JMJD7: variants seen among roughly 807,000 people sequenced by gnomAD.
JMJD7 encodes jumonji domain containing 7, also known as bifunctional peptidase and (3S)-lysyl hydroxylase JMJD7.
In JMJD7, 41 loss-of-function variants were observed where a neutral mutation model predicts 41.1. The ratio of observed to expected loss-of-function variants is 1.00; its 90% confidence interval spans 0.78 to 1.30. The LOEUF (loss-of-function observed/expected upper bound fraction) is 1.30, where lower values mean the gene tolerates loss of function less well. JMJD7 is among the 50% of genes most tolerant of loss of function. JMJD7 has a pLI of 0.00. For synonymous variants in JMJD7, 202 were observed against 177.2 expected (o/e 1.14, Z -1.11); for missense variants, 480 against 420.7 (o/e 1.14, Z -1.23).
chr15:41,834,933 T>C (rs758469784), intron 2 of JMJD7, 37 bp from the exon 3 acceptor site: 25 of 1,613,390 alleles, frequency 1.5e-5, no homozygotes, highest in Admixed American at 8.3e-5. Flanking sequence ...CAGTGATTAC[T>C]GGCATCTGGG....
chr15:41,834,023 G>A (rs1487213642), intron 1 of JMJD7, among the ~76,000 whole-genome samples: 1 of 152,130 alleles, frequency 6.6e-6, no homozygotes, highest in Non-Finnish European at 1.5e-5. Context: ...GATTAGAGGT[G>A]ACACAGGGCC....
rs752607084 is a variant in JMJD7 at position 41,835,604 on chromosome 15, T to C, written c.489T>C (p.Ala163=). ...GCCCTGCAGGAAAGATGCCCGATGC[T>C]GTGAACTTCTGGCTGGGGGAGGCGG... is the stretch of plus-strand genomic sequence containing the variant. The part of the protein sequence containing the change: ...ASEALGKMPD[A]VNFWLGEAAA... The change falls in exon 4 of 8, where the codon GCT becomes GCC. Residue 163 remains alanine, a synonymous_variant. Transcript: ENST00000397299. The C allele has an allele frequency of 6.2e-6, 10 of 1,613,814 alleles. No homozygotes were observed. In the Admixed American group the frequency reaches 1.5e-4, roughly 24 times the overall value.
At chr15:41,834,926 T>C (rs1409487703) in intron 2 of JMJD7, 33 bp downstream of exon 2, 3 of 1,613,404 alleles carry the variant, frequency 1.9e-6, no homozygotes, top group Non-Finnish European at 2.5e-6. Flanking sequence ...GTGTGAGCAG[T>C]GATTACTGGC....
In JMJD7 at chr15:41,835,560, A is replaced by G. The variant is rs376580880; in HGVS notation, c.473-28A>G. ...CAGCTTTCCCCAGCCTGGCCTTCCTAACTTGCTCTCTGCCTTCTGCCCTGC... is the reference window on the plus strand; with the variant it reads ...CAGCTTTCCCCAGCCTGGCCTTCCTGACTTGCTCTCTGCCTTCTGCCCTGC... On this transcript the variant is annotated intron_variant, in intron 3 of 7. Coordinates refer to ENST00000397299, the MANE Select transcript of JMJD7 (RefSeq NM_001114632.2). 15 of 1,609,268 alleles carry G rather than the reference A, an allele frequency of 9.3e-6. No homozygotes were observed. The African/African-American group carries it at 1.2e-4, about 13-fold the overall frequency.
At chr15:41,836,335 T>C in intron 5 of JMJD7, 92 bp downstream of exon 5, 6 of 1,572,096 alleles carry the variant, frequency 3.8e-6, no homozygotes, top group Non-Finnish European at 5.2e-6. Flanking sequence ...TTCCCAGGCC[T>C]GAGGTGTGGC....
At chr15:41,832,520 C>T (rs1017619368) in intron 1 of JMJD7, 1 of 152,516 alleles carries the variant, frequency 6.6e-6, no homozygotes, top group African/African-American at 2.4e-5. Flanking sequence ...AAGGTGACTG[C>T]TTGGATGGGC....
chr15:41,837,517 A>T lies in JMJD7; in HGVS notation c.*361A>T. The T allele has an allele frequency of 3.7e-6, 1 of 271,188 alleles. No homozygotes were observed. Among genetic ancestry groups the T allele is most frequent in the South Asian group, 7.2e-5 (1 of 13,934 alleles). The allele number at this position is 271,188 out of a possible 1,614,324, so 16.8% of individuals were successfully genotyped here. A position where few individuals can be genotyped will look rare whatever the true frequency, so the allele number is the denominator to read the frequency against. On this transcript the variant is annotated 3_prime_UTR_variant, in exon 8 of 8. Coordinates refer to ENST00000397299, the MANE Select transcript of JMJD7 (RefSeq NM_001114632.2). The stretch of plus-strand genomic sequence containing the variant: ...TCGCGGGGCTGTTGTGGGCTTGGAG[A>T]TGATGTCTATGAGGACCAGCATGGA...
At chr15:41,833,083 A>G (rs2065252553) in intron 1 of JMJD7, among the ~76,000 whole-genome samples, 1 of 152,160 alleles carries the variant, frequency 6.6e-6, no homozygotes, top group African/African-American at 2.4e-5. Context: ...CCATCAAGGC[A>G]TTTGTTACTA....
chr15:41,828,436 T>TTA (rs2065173887), intron 1 of JMJD7: 1 of 424,106 alleles, frequency 2.4e-6, no homozygotes, highest in East Asian at 3.8e-5. Flanking sequence ...AGCCCTGTGT[T>TTA]TCCTACAGTC....
chr15:41,830,699 G>A lies in JMJD7; in HGVS notation c.64+2511G>A, dbSNP rs1179456762. Among the ~76,000 whole-genome samples the A allele has an allele frequency of 2.0e-5, 3 of 152,216 alleles. No individual in the cohort carries two copies. The East Asian group carries it at 5.8e-4, about 29-fold the overall frequency. ...CCCAGGAAGGCCCCTTCCTGCTGCC[G>A]CAGGCTTGGAAGTGCCTGATCCTGC... On this transcript the variant is annotated intron_variant, in intron 1 of 7. Coordinates refer to ENST00000397299, the MANE Select transcript of JMJD7 (RefSeq NM_001114632.2).
intron 1 of JMJD7, 123 bp downstream of exon 1, chr15:41,828,311 C>G: frequency 1.7e-6 from 2 of 1,196,276 alleles, no homozygotes; most frequent in Non-Finnish European, 2.2e-6. Context: ...TCGGGTTGCT[C>G]TTCTGTGGCA....
chr15:41,831,775 T>C (rs1285092369), intron 1 of JMJD7, among the ~76,000 whole-genome samples: 2 of 152,188 alleles, frequency 1.3e-5, no homozygotes, highest in African/African-American at 4.8e-5. Context: ...AGCTCCTCTT[T>C]GTCTTGTTTA....
intron 1 of JMJD7, among the ~76,000 whole-genome samples, chr15:41,833,875 G>A (rs757346301): frequency 1.3e-5 from 2 of 152,344 alleles, no homozygotes; most frequent in Non-Finnish European, 1.5e-5. Flanking sequence ...AGGACCCAAA[G>A]GAGGTAGCTG....
At chr15:41,831,032 C>T (rs919580650) in intron 1 of JMJD7, among the ~76,000 whole-genome samples, 3 of 152,208 alleles carry the variant, frequency 2.0e-5, no homozygotes, top group African/African-American at 7.2e-5. Context: ...GGCCTGAAGC[C>T]TGGGGGCTGG....
Position 41,837,393 on chromosome 15 carries a change from A to G in JMJD7, c.*237A>G, listed in dbSNP as rs1202387031. 2 of 558,634 alleles carry G rather than the reference A, an allele frequency of 3.6e-6. No homozygotes were observed. Among genetic ancestry groups the G allele is most frequent in the Non-Finnish European group, 3.2e-6 (1 of 314,182 alleles). 34.6% of individuals were successfully genotyped at this position (558,634 alleles called of 1,614,324 possible). On this transcript the variant is annotated 3_prime_UTR_variant, in exon 8 of 8. Coordinates refer to ENST00000397299, the MANE Select transcript of JMJD7 (RefSeq NM_001114632.2). ...CACACAGGTGAGCAGAGTGGGGATC[A>G]GGTGCAGCGGCACCTCTCCCCAGCG...
chr15:41,834,572 C>G (rs1051705117), intron 1 of JMJD7, among the ~76,000 whole-genome samples, 168 bp from the exon 2 acceptor site: 1 of 152,256 alleles, frequency 6.6e-6, no homozygotes, highest in Non-Finnish European at 1.5e-5. Flanking sequence ...TTTCTGCTTT[C>G]ATTTTTCCGT....
chr15:41,835,122 G>A lies in JMJD7; in HGVS notation c.371G>A (p.Gly124Glu), dbSNP rs768201038. ...CTGGAGGGCCGGGCCCAGCACCCTG[G>A]AGTCCTCTATGTGCAGAAGCAGTGC... ...DVLEGRAQHP[G>E]VLYVQKQCSN... The change falls in exon 3 of 8, where the codon GGA (glycine) becomes GAA (glutamate). Residue 124 changes from glycine to glutamate, a missense_variant. By Grantham distance (98) the Gly-to-Glu change is moderately conservative. Transcript: ENST00000397299. 1 of 1,611,402 alleles carries A rather than the reference G, an allele frequency of 6.2e-7. No individual in the cohort carries two copies. The highest frequency in any genetic ancestry group is 1.1e-5 in the South Asian group (1 of 91,082).
intron 1 of JMJD7, chr15:41,828,542 TC>T: frequency 4.4e-6 from 1 of 227,892 alleles, no homozygotes; most frequent in Non-Finnish European, 8.5e-6. Context: ...CGACCTCAAC[TC>T]CCTTGTCGCA....
intron 1 of JMJD7, among the ~76,000 whole-genome samples, chr15:41,831,545 C>T (rs927373869): frequency 2.0e-5 from 3 of 152,106 alleles, no homozygotes; most frequent in East Asian, 1.9e-4. Context: ...TGTAGCAAAG[C>T]GAAGCCCTGT....
Sources: allele counts gnomAD v4.1 joint callset (sites outside exome capture counted in the v4.1 genomes callset), GRCh38; gene constraint gnomAD v4.1.1; transcripts MANE v1.5; gene names NCBI Gene and HGNC (gene_info 2026-07-23, HGNC 2026-07-21).